Variants in MEI1 observed in about 807,000 individuals in gnomAD.
MEI1 encodes meiotic double-stranded break formation protein 1.
A neutral mutation model predicts 146.2 loss-of-function variants in MEI1; 103 were observed. The observed-to-expected ratio is 0.70, with a 90% CI of 0.60 to 0.83. The LOEUF (loss-of-function observed/expected upper bound fraction) is 0.83. Among genes scored for constraint, MEI1 ranks in the 40% least tolerant of loss-of-function variants. The probability of loss-of-function intolerance (pLI) is 0.00; values close to 1 mark genes in which losing one functional copy is unlikely to be tolerated. For missense variants in MEI1, 1,529 were observed against 1,533.0 expected (o/e 1.00, Z 0.04); for synonymous variants, 652 against 628.2 (o/e 1.04, Z -0.57).
At chr22:41,765,725 T>G (rs2074803207) in intron 19 of MEI1, among the ~76,000 whole-genome samples, 1 of 152,008 alleles carries the variant, frequency 6.6e-6, no homozygotes, top group Admixed American at 6.6e-5. Flanking sequence ...CAGAGAGTCA[T>G]TTTATTCATA....
At chr22:41,746,134 G>A in intron 14 of MEI1, 108 bp downstream of exon 14, 3 of 1,104,702 alleles carry the variant, frequency 2.7e-6, no homozygotes, top group Non-Finnish European at 3.7e-6. Flanking sequence ...GAACTCTCTG[G>A]GGGCCTCAGC....
intron 1 of MEI1, among the ~76,000 whole-genome samples, chr22:41,700,939 C>CTTTTTTTTTTTTTTTTTTTTTTTTTTTT (rs530432136): frequency 7.7e-6 from 1 of 129,620 alleles, no homozygotes. Flanking sequence ...TTCTTTCTTT[C>CTTTTTTTTTTTTTTTTTTTTTTTTTTTT]TTTTTTTTTT....
At chr22:41,730,288 G>T (rs2071740586) in intron 8 of MEI1, among the ~76,000 whole-genome samples, 2 of 152,160 alleles carry the variant, frequency 1.3e-5, no homozygotes, top group African/African-American at 4.8e-5. Flanking sequence ...CACTAATAGT[G>T]CCTCTTCTCT....
At chr22:41,742,698 C>G (rs1376388977) in intron 11 of MEI1, among the ~76,000 whole-genome samples, 3 of 152,146 alleles carry the variant, frequency 2.0e-5, no homozygotes, top group African/African-American at 7.2e-5. Context: ...GTCACCCAGG[C>G]TGGATTGCAG....
At chr22:41,785,744 A>C (rs986734023) in intron 26 of MEI1, among the ~76,000 whole-genome samples, 7 of 147,540 alleles carry the variant, frequency 4.7e-5, no homozygotes, top group African/African-American at 1.8e-4. Context: ...TTGTATTTTT[A>C]GTAGAGACGG....
chr22:41,776,140 G>A lies in MEI1; in HGVS notation c.2583G>A (p.Lys861=). The A allele has an allele frequency of 2.5e-6, 4 of 1,613,950 alleles. No individual in the cohort carries two copies. Among genetic ancestry groups the A allele is most frequent in the South Asian group, 2.2e-5 (2 of 91,080 alleles). The change falls in exon 21 of 31, where the codon AAG becomes AAA. Residue 861 remains lysine (K), a synonymous_variant. Transcript: ENST00000401548. ...IYSSPVDTAH[K]VLISLRTFLR... is the part of the protein sequence containing the mutation. ...CCAGCCCAGTGGACACAGCTCACAA[G>A]GTACTGATTAGCCTGAGGACCTTCC...
intron 3 of MEI1, 110 bp downstream of exon 3, chr22:41,705,664 G>T: frequency 2.3e-6 from 2 of 869,528 alleles, no homozygotes; most frequent in Non-Finnish European, 3.8e-6. Context: ...CAGATAAGAG[G>T]AACCCCATTA....
chr22:41,778,796 G>A lies in MEI1; in HGVS notation c.2799G>A (p.Met933Ile). ...VSEQELDSVA[M>I]KLLHQVSKLC... ...AGCAAGAACTGGACAGCGTGGCCAT[G>A]AAGCTCCTTCACCAAGGTGCCCTGG... is the stretch of plus-strand genomic sequence containing the variant. Residue 933 changes from methionine (M) to isoleucine (I), a missense_variant, in exon 22 of 31, where the codon ATG becomes ATA. Met to Ile is a conservative substitution (Grantham distance 10). Transcript: ENST00000401548. 6.2e-7 allele frequency: 1 copy of A among 1,604,552 alleles called. No homozygotes were observed. Among genetic ancestry groups the A allele is most frequent in the Non-Finnish European group, 8.5e-7 (1 of 1,175,640 alleles).
chr22:41,762,191 G>A (rs931284883), intron 18 of MEI1, among the ~76,000 whole-genome samples: 8 of 152,134 alleles, frequency 5.3e-5, no homozygotes, highest in African/African-American at 1.4e-4. Context: ...CATTACAGGC[G>A]TGAGCCACTG....
At chr22:41,765,279 G>A (rs2074770769) in intron 19 of MEI1, among the ~76,000 whole-genome samples, 1 of 152,170 alleles carries the variant, frequency 6.6e-6, no homozygotes, top group African/African-American at 2.4e-5. Flanking sequence ...GCCTTTCAAA[G>A]TGCTGGGATT....
At chr22:41,754,611 T>G (rs2147882780) in intron 17 of MEI1, among the ~76,000 whole-genome samples, 1 of 152,168 alleles carries the variant, frequency 6.6e-6, no homozygotes, top group Non-Finnish European at 1.5e-5. Flanking sequence ...TTTTTGCATT[T>G]TTAGTAGAGA....
intron 30 of MEI1, among the ~76,000 whole-genome samples, chr22:41,798,116 AACACACACACACAC>A (rs60766866): frequency 0.11 from 14,747 of 135,800 alleles, 862 homozygotes; most frequent in African/African-American, 0.14. Context: ...TCCTCAGCCC[AACACACACACACAC>A]ACACACACAC....
intron 19 of MEI1, among the ~76,000 whole-genome samples, chr22:41,766,780 C>A (rs1446162546): frequency 6.6e-6 from 1 of 152,068 alleles, no homozygotes; most frequent in African/African-American, 2.4e-5. Context: ...AATCCCCCTG[C>A]CTTAGCCTCC....
chr22:41,705,272 A>G (rs1336677085), intron 2 of MEI1, among the ~76,000 whole-genome samples: 1 of 149,442 alleles, frequency 6.7e-6, no homozygotes, highest in Admixed American at 6.7e-5. Context: ...CCTGGGTTCA[A>G]GTGATTCTCC....
chr22:41,762,183 T>C (rs2074535343), intron 18 of MEI1, among the ~76,000 whole-genome samples: 1 of 152,164 alleles, frequency 6.6e-6, no homozygotes, highest in Non-Finnish European at 1.5e-5. Context: ...AATGCTACCA[T>C]TACAGGCGTG....
chr22:41,799,176 G>C, intron 30 of MEI1, 78 bp from the exon 31 acceptor site: 1 of 1,399,410 alleles, frequency 7.1e-7, no homozygotes, highest in Non-Finnish European at 1.0e-6. Flanking sequence ...ATTCTTGACT[G>C]TTTTGGGCTC....
At chr22:41,773,919 T>TATA (rs1276225963) in intron 20 of MEI1, among the ~76,000 whole-genome samples, 1 of 152,084 alleles carries the variant, frequency 6.6e-6, no homozygotes, top group Non-Finnish European at 1.5e-5. Flanking sequence ...ACAACTTTAT[T>TATA]GTCTGTTCAT....
At chr22:41,721,161 T>A (rs1311541040) in intron 6 of MEI1, among the ~76,000 whole-genome samples, 1 of 146,872 alleles carries the variant, frequency 6.8e-6, no homozygotes, top group African/African-American at 2.6e-5. Context: ...GATCCGCCCA[T>A]CTCGGCCTCC....
rs752840253 is a variant in MEI1, at chr22:41,781,603, A to G, written c.2927-82A>G. 71 of 1,484,528 alleles carry G rather than the reference A, an allele frequency of 4.8e-5. No homozygotes were observed. Among genetic ancestry groups the G allele is most frequent in the Middle Eastern group, 4.8e-4 (2 of 4,130 alleles). 92.0% of individuals were successfully genotyped at this position (1,484,528 alleles called of 1,614,324 possible). A position where few individuals can be genotyped will look rare whatever the true frequency, so the allele number is the denominator to read the frequency against. On this transcript the variant is annotated intron_variant, in intron 23 of 30. Transcript: ENST00000401548. Reference sequence around the variant, plus strand: ...TCCTCTGTTTGTTTGTGAAGCCCCAATCAGGTGCTAAGCACCATAGTGGCA... The same window carrying G: ...TCCTCTGTTTGTTTGTGAAGCCCCAGTCAGGTGCTAAGCACCATAGTGGCA...
Sources: allele counts gnomAD v4.1 joint callset (sites outside exome capture counted in the v4.1 genomes callset), GRCh38; gene constraint gnomAD v4.1.1; transcripts MANE v1.5; gene names NCBI Gene and HGNC (gene_info 2026-07-23, HGNC 2026-07-21).